DMD: variants seen among roughly 807,000 people sequenced by gnomAD.
DMD encodes dystrophin, also known as mutant dystrophin.
Under a neutral mutation model 330.1 loss-of-function variants are expected in DMD, and 63 were observed. The ratio of observed to expected loss-of-function variants is 0.19; its 90% CI spans 0.16 to 0.24. The LOEUF (loss-of-function observed/expected upper bound fraction) is 0.24. DMD is among the 10% of genes least tolerant of loss of function. The pLI, the probability that DMD is intolerant of heterozygous loss-of-function variation, is 1.00. For missense variants in DMD, 3,344 were observed against 2,684.1 expected, an observed-to-expected ratio of 1.25 and a Z score of -5.43; for synonymous variants, 1,223 against 959.8, an observed-to-expected ratio of 1.27 and a Z score of -5.07.
At chrX:31,925,306 T>C (rs755146693) in intron 47 of DMD, among the ~76,000 whole-genome samples, 178 of 111,992 alleles carry the variant, frequency 1.6e-3, no homozygotes, top group Non-Finnish European at 2.1e-3. Flanking sequence ...GAAAGCTACA[T>C]GGTCTCAAAT....
chrX:31,330,551 G>T (rs776025738), intron 61 of DMD, among the ~76,000 whole-genome samples: 1 of 111,957 alleles, frequency 8.9e-6, no homozygotes, highest in Admixed American at 9.5e-5. Context: ...GAGGAAAACA[G>T]AAATGGAAAG....
intron 9 of DMD, among the ~76,000 whole-genome samples, chrX:32,695,635 C>T (rs1009619765): frequency 3.6e-5 from 4 of 111,219 alleles, no homozygotes; most frequent in Non-Finnish European, 5.7e-5. Context: ...GGTATAGATA[C>T]ATACAAAGAG....
At chrX:33,165,290 AAAAGTT>A (rs2048995151) in intron 1 of DMD, among the ~76,000 whole-genome samples, 1 of 111,635 alleles carries the variant, frequency 9.0e-6, no homozygotes, top group African/African-American at 3.3e-5. Flanking sequence ...AAGTGTGAAT[AAAAGTT>A]AGGGGAAAAA....
chrX:31,394,848 A>AT (rs777461514), intron 60 of DMD, among the ~76,000 whole-genome samples: 54 of 110,193 alleles, frequency 4.9e-4, no homozygotes, highest in East Asian at 2.9e-3. Flanking sequence ...TTAAATACAG[A>AT]TTTTTTTTAT....
chrX:32,585,574 C>T (rs1235066742), intron 13 of DMD, among the ~76,000 whole-genome samples: 1 of 106,736 alleles, frequency 9.4e-6, no homozygotes, highest in African/African-American at 3.4e-5. Flanking sequence ...GTGGCAGGCG[C>T]CTGCAGTCCC....
chrX:32,026,134 A>G (rs188607375), intron 44 of DMD, among the ~76,000 whole-genome samples: 32 of 112,068 alleles, frequency 2.9e-4, no homozygotes, highest in African/African-American at 9.7e-4. Context: ...ATACATTTAT[A>G]TGATAATTAC....
intron 42 of DMD, among the ~76,000 whole-genome samples, chrX:32,301,267 A>C (rs1347334882): frequency 9.3e-6 from 1 of 107,943 alleles, no homozygotes; most frequent in African/African-American, 3.3e-5. Flanking sequence ...AAAAGGCATG[A>C]TATGGGAGCA....
At chrX:32,010,527 T>C (rs1603620210) in intron 44 of DMD, among the ~76,000 whole-genome samples, 1 of 112,044 alleles carries the variant, frequency 8.9e-6, no homozygotes, top group East Asian at 2.8e-4. Context: ...TTGTCTTCTA[T>C]CTTCTCTACA....
intron 45 of DMD, among the ~76,000 whole-genome samples, chrX:31,951,766 C>CTT (rs1374988697): frequency 1.8e-5 from 2 of 111,158 alleles, no homozygotes; most frequent in Non-Finnish European, 3.8e-5. Context: ...TTTGTACAGT[C>CTT]TTTTATATGT....
At chrX:32,410,665 T>C (rs755628042) in intron 30 of DMD, among the ~76,000 whole-genome samples, 3 of 111,845 alleles carry the variant, frequency 2.7e-5, no homozygotes, top group African/African-American at 9.7e-5. Context: ...GTTCACAACA[T>C]GTATATAAGA....
intron 47 of DMD, among the ~76,000 whole-genome samples, chrX:31,881,765 C>A (rs931208328): frequency 2.7e-5 from 3 of 111,972 alleles, no homozygotes; most frequent in African/African-American, 9.8e-5. Context: ...GTGCAGTAGG[C>A]TATACCATCT....
intron 5 of DMD, among the ~76,000 whole-genome samples, chrX:32,820,131 G>A (rs192294811): frequency 2.3e-4 from 26 of 112,089 alleles, no homozygotes; most frequent in Non-Finnish European, 3.0e-4. Context: ...TTGCAAAAGC[G>A]CCTCCACATG....
intron 17 of DMD, among the ~76,000 whole-genome samples, chrX:32,533,743 T>C (rs1318701104): frequency 8.9e-6 from 1 of 112,027 alleles, no homozygotes; most frequent in East Asian, 2.8e-4. Flanking sequence ...CTTGAAATGA[T>C]GTGGACTCAT....
intron 1 of DMD, among the ~76,000 whole-genome samples, chrX:33,096,713 C>A (rs1023194115): frequency 9.0e-6 from 1 of 111,328 alleles, no homozygotes; most frequent in Non-Finnish European, 1.9e-5. Flanking sequence ...ACCATGTGGG[C>A]CAGGCTGGTC....
chrX:31,816,775 G>A (rs58749634), intron 50 of DMD, among the ~76,000 whole-genome samples: 24,879 of 93,561 alleles, frequency 0.27, 2,326 homozygotes, highest in Middle Eastern at 0.33. Flanking sequence ...TCCAGCCTGG[G>A]CAACAGAGCA....
intron 49 of DMD, among the ~76,000 whole-genome samples, chrX:31,825,613 C>T (rs995112554): frequency 1.8e-5 from 2 of 111,851 alleles, no homozygotes; most frequent in African/African-American, 3.2e-5. Flanking sequence ...TACAGTCTAG[C>T]TTCTAAAAGC....
chrX:32,936,559 C>T (rs1423628472), intron 2 of DMD, among the ~76,000 whole-genome samples: 1 of 111,888 alleles, frequency 8.9e-6, no homozygotes, highest in African/African-American at 3.3e-5. Context: ...CACTCCTAGC[C>T]CATGGGCCTC....
chrX:32,591,746 T>C (rs1441155743), intron 13 of DMD, among the ~76,000 whole-genome samples: 2 of 112,542 alleles, frequency 1.8e-5, no homozygotes, highest in Non-Finnish European at 3.8e-5. Flanking sequence ...GGGAGCCCCA[T>C]GCTTCCAGGT....
At chrX:31,303,507 T>C (rs2054808569) in intron 62 of DMD, among the ~76,000 whole-genome samples, 1 of 111,755 alleles carries the variant, frequency 8.9e-6, no homozygotes, top group Admixed American at 9.5e-5. Context: ...TGCTTTCTCT[T>C]TGCGCCCTTC....
Sources: gnomAD v4.1 joint callset for allele counts (sites outside exome capture counted in the v4.1 genomes callset) on GRCh38, gnomAD v4.1.1 for gene constraint, MANE v1.5 for transcripts, NCBI Gene and HGNC (gene_info 2026-07-23, HGNC 2026-07-21) for gene names.